MROH7: variants seen among roughly 807,000 people sequenced by gnomAD.
The protein encoded by MROH7 is maestro heat like repeat family member 7, also known as maestro heat-like repeat-containing protein family member 7.
A neutral mutation model predicts 129.2 loss-of-function variants in MROH7; 113 were observed. The observed-to-expected ratio is 0.87, with a 90% confidence interval of 0.75 to 1.02. The LOEUF is 1.02. MROH7 is among the 50% of genes least tolerant of loss of function. MROH7 has a pLI of 0.00. For synonymous variants in MROH7, 655 were observed against 667.9 expected, an observed-to-expected ratio of 0.98 and a Z score of 0.30; for missense variants, 1,601 against 1,671.3, an observed-to-expected ratio of 0.96 and a Z score of 0.73.
chr1:54,673,584 G>A, intron 8 of MROH7, 117 bp from the exon 9 acceptor site: 1 of 730,894 alleles, frequency 1.4e-6, no homozygotes, highest in Non-Finnish European at 2.4e-6. Flanking sequence ...GAGGGCTGTG[G>A]TGACCTTTAT....
chr1:54,701,201 G>C lies in MROH7; in HGVS notation c.3164G>C (p.Gly1055Ala). 6.2e-7 allele frequency: 1 copy of C among 1,614,212 alleles called. No individual in the cohort carries two copies. Among genetic ancestry groups the C allele is most frequent in the Non-Finnish European group, 8.5e-7 (1 of 1,180,040 alleles). ...GTGAAGGGCCTGAAGAACATGGATG[G>C]GATGCTGGTGGTGGAAGCGGTCCAC... ...SMVKGLKNMD[G>A]MLVVEAVHNL... The change falls in exon 19 of 24, where the codon GGG becomes GCG. Residue 1055 changes from glycine to alanine, a missense_variant. Physicochemically the swap from Gly to Ala is moderately conservative, Grantham distance 60. Coordinates refer to ENST00000421030, the MANE Select transcript of MROH7 (RefSeq NM_001039464.4).
rs201882692 is a variant in MROH7, at chr1:54,682,328, CT to C, written c.2382-327del. Among the ~76,000 whole-genome samples the C allele has an allele frequency of 1.1e-3, 164 of 152,056 alleles. 1 individual carries two copies. In the East Asian group the frequency reaches 0.025, roughly 24 times the overall value. ...TACAGGCATGCACCACCATGCCCAG[CT>C]AATTTTTTTTGTATTATTAGTAGAG... On this transcript the variant is annotated intron_variant, in intron 13 of 23. Transcript: ENST00000421030.
chr1:54,644,956 C>G (rs1479660495), intron 1 of MROH7, among the ~76,000 whole-genome samples: 1 of 151,936 alleles, frequency 6.6e-6, no homozygotes, highest in East Asian at 1.9e-4. Flanking sequence ...ACTACAGGCA[C>G]CTGTCACCAT....
chr1:54,654,258 G>A, intron 3 of MROH7, 101 bp downstream of exon 3: 1 of 1,184,986 alleles, frequency 8.4e-7, no homozygotes, highest in South Asian at 1.6e-5. Context: ...GGGGACAGCA[G>A]GCAGTTGATA....
chr1:54,656,037 G>A (rs1485191319), intron 3 of MROH7, among the ~76,000 whole-genome samples: 5 of 151,294 alleles, frequency 3.3e-5, no homozygotes, highest in African/African-American at 1.2e-4. Context: ...GGGACTACAG[G>A]CATGCATCAT....
intron 1 of MROH7, among the ~76,000 whole-genome samples, chr1:54,649,644 A>G (rs930965610): frequency 6.6e-6 from 1 of 152,210 alleles, no homozygotes; most frequent in Non-Finnish European, 1.5e-5. Context: ...AGCCCAAACA[A>G]GTTAGGTCTT....
intron 15 of MROH7, among the ~76,000 whole-genome samples, chr1:54,688,786 G>A (rs1325134991): frequency 2.0e-5 from 3 of 152,126 alleles, no homozygotes; most frequent in South Asian, 2.1e-4. Context: ...CGGGCTCTGG[G>A]GAAAACACAA....
intron 1 of MROH7, among the ~76,000 whole-genome samples, chr1:54,645,855 G>A (rs1702017): frequency 0.48 from 73,190 of 151,298 alleles, 18,528 homozygotes; most frequent in African/African-American, 0.63. Context: ...ATTTTGCTAT[G>A]TTGCCCAGGC....
Position 54,653,264 on chromosome 1 carries a change from C to G in MROH7, c.338C>G (p.Ser113Ter). 6.2e-7 allele frequency: 1 copy of G among 1,614,214 alleles called. No homozygotes were observed. Among genetic ancestry groups the G allele is most frequent in the Non-Finnish European group, 8.5e-7 (1 of 1,180,044 alleles). The change falls in exon 3 of 24, where the codon TCA becomes TGA. Residue 113 changes from serine to a stop codon, truncating the protein, a stop_gained. Coordinates refer to ENST00000421030, the MANE Select transcript of MROH7 (RefSeq NM_001039464.4). LOFTEE classifies it high-confidence loss of function. ...CTGGACCTGGATTCCAAGGATGTCT[C>G]AAGGCCTGACTCACAGGGGCGCCTC... is the stretch of plus-strand genomic sequence containing the variant. ...EALDLDSKDV[S>*]RPDSQGRLCP...
intron 1 of MROH7, among the ~76,000 whole-genome samples, chr1:54,644,336 C>CCCCTT (rs1349607904): frequency 2.9e-5 from 4 of 138,608 alleles, no homozygotes; most frequent in Admixed American, 7.3e-5. Context: ...CTCTTCTCTT[C>CCCCTT]CCCTTCCCTT....
chr1:54,643,839 A>T (rs1236708165), intron 1 of MROH7, among the ~76,000 whole-genome samples: 1 of 151,982 alleles, frequency 6.6e-6, no homozygotes, highest in Non-Finnish European at 1.5e-5. Context: ...CCTATTATAG[A>T]ATGTGTGGTT....
In MROH7 at chr1:54,670,684, G is replaced by A. The variant is rs1389133611; in HGVS notation, c.1469+108G>A. 30 of 318,740 alleles carry A rather than the reference G, an allele frequency of 9.4e-5. No individual in the cohort carries two copies. In the African/African-American group the frequency reaches 1.2e-3, roughly 13 times the overall value. 19.7% of individuals were successfully genotyped at this position (318,740 alleles called of 1,614,324 possible). On this transcript the variant is annotated intron_variant, in intron 6 of 23. Coordinates refer to ENST00000421030, the MANE Select transcript of MROH7 (RefSeq NM_001039464.4). ...CTCCCCCAACCCGCCCCCACCCCTC[G>A]CCCGGTGCCTTTTCCCCTCCCCTTG...
Position 54,703,596 on chromosome 1 carries a change from C to A in MROH7, c.3564+851C>A, listed in dbSNP as rs769570483. ...CACAGAGCTTCCTTTCTCGGTGATA[C>A]CTGTGAACATCATGAGGTAGGAGCA... On this transcript the variant is annotated intron_variant, in intron 21 of 23. Transcript: ENST00000421030. This position sits in a 1 kb window ranked among gnomAD's most constrained non-coding sequence, Gnocchi z 4.4. 6.6e-6 allele frequency among the ~76,000 whole-genome samples: 1 copy of A among 151,914 alleles called. No homozygotes were observed. Among genetic ancestry groups the A allele is most frequent in the Non-Finnish European group, 1.5e-5 (1 of 67,980 alleles).
intron 21 of MROH7, among the ~76,000 whole-genome samples, chr1:54,705,044 C>T (rs1374184969): frequency 1.3e-5 from 2 of 151,474 alleles, no homozygotes; most frequent in East Asian, 1.9e-4. Context: ...GGTGATCTGC[C>T]GCCTCAGCCT....
At chr1:54,708,187 G>A (rs553695248) in intron 22 of MROH7, among the ~76,000 whole-genome samples, 94 of 152,282 alleles carry the variant, frequency 6.2e-4, no homozygotes, top group African/African-American at 2.3e-3. Context: ...GGGGAGTCAA[G>A]GTGAGAGGAT....
In MROH7 at chr1:54,702,150, C is replaced by T. The variant is rs369337894; in HGVS notation, c.3346C>T (p.Arg1116Trp). 4.9e-5 allele frequency: 79 copies of T among 1,611,246 alleles called. No homozygotes were observed. In the African/African-American group the frequency reaches 8.7e-4, roughly 18 times the overall value. ...GTATGGGAAGGTGGTCCAGAAGCTT[C>T]GGGCACCACGCACTCAGGCCATGGA... The part of the protein sequence containing the change: ...NLYGKVVQKL[R>W]APRTQAMEEQ... The change falls in exon 20 of 24, where the codon CGG (arginine) becomes TGG (tryptophan). Residue 1116 changes from arginine to tryptophan, a missense_variant. Arg to Trp is a moderately radical substitution (Grantham distance 101, BLOSUM62 -3). Coordinates refer to ENST00000421030, the MANE Select transcript of MROH7 (RefSeq NM_001039464.4).
intron 7 of MROH7, among the ~76,000 whole-genome samples, chr1:54,672,126 G>C (rs1185863827): frequency 6.6e-6 from 1 of 152,146 alleles, no homozygotes; most frequent in African/African-American, 2.4e-5. Context: ...CATCCCGGAG[G>C]TGGTGCCCTT....
intron 3 of MROH7, among the ~76,000 whole-genome samples, chr1:54,658,700 A>T (rs1381021414): frequency 6.6e-6 from 1 of 152,092 alleles, no homozygotes; most frequent in Non-Finnish European, 1.5e-5. Context: ...TCCCTTTCCA[A>T]TCAATAATCC....
At chr1:54,680,514 C>T (rs759406603) in intron 13 of MROH7, among the ~76,000 whole-genome samples, 4 of 152,220 alleles carry the variant, frequency 2.6e-5, no homozygotes, top group Non-Finnish European at 5.9e-5. Context: ...TGCAATCCCA[C>T]CCCAGGTGGG....
Sources: gnomAD v4.1 joint callset for allele counts (sites outside exome capture counted in the v4.1 genomes callset) on GRCh38, gnomAD v4.1.1 for gene constraint, Gnocchi (gnomAD v3.1) non-coding constraint, MANE v1.5 for transcripts, NCBI Gene and HGNC (gene_info 2026-07-23, HGNC 2026-07-21) for gene names.